Variants in RGS6 observed in about 807,000 individuals in gnomAD.
RGS6 encodes the protein regulator of G protein signaling 6, also known as regulator of G-protein signaling 6.
Under a neutral mutation model 78.5 loss-of-function variants are expected in RGS6, and 30 were observed. The ratio of observed to expected loss-of-function variants is 0.38; its 90% CI spans 0.29 to 0.52. The LOEUF (loss-of-function observed/expected upper bound fraction) is 0.52. Ranked by LOEUF, RGS6 falls within the 20% of genes least tolerant of loss-of-function variation. The pLI is 0.85. For missense variants in RGS6, 495 were observed against 609.7 expected (o/e 0.81, Z 1.98); for synonymous variants, 206 against 206.0 (o/e 1.00, Z 0.00).
At chr14:72,519,075 G>C (rs1440718125) in intron 15 of RGS6, among the ~76,000 whole-genome samples, 1 of 152,190 alleles carries the variant, frequency 6.6e-6, no homozygotes, top group Non-Finnish European at 1.5e-5. Context: ...AGGTTGAGTG[G>C]GAGACAGACA....
intron 2 of RGS6, among the ~76,000 whole-genome samples, chr14:72,294,439 T>C (rs2152349552): frequency 6.6e-6 from 1 of 152,336 alleles, no homozygotes. Flanking sequence ...TTGGATATTA[T>C]TACCAAAGCC....
At chr14:72,220,428 T>C (rs1399898163) in intron 2 of RGS6, among the ~76,000 whole-genome samples, 6 of 152,212 alleles carry the variant, frequency 3.9e-5, no homozygotes, top group Admixed American at 3.9e-4. Flanking sequence ...TAATTGGTGC[T>C]GGAAATATTT....
At chr14:72,446,700 T>G (rs1324849803) in intron 3 of RGS6, among the ~76,000 whole-genome samples, 1 of 152,212 alleles carries the variant, frequency 6.6e-6, no homozygotes, top group Non-Finnish European at 1.5e-5. Flanking sequence ...GTAGAATTAG[T>G]GGGAGCCCTG....
chr14:72,394,584 G>C (rs1443984162), intron 3 of RGS6, among the ~76,000 whole-genome samples: 1 of 152,166 alleles, frequency 6.6e-6, no homozygotes, highest in African/African-American at 2.4e-5. Flanking sequence ...ATTTGCTCTT[G>C]AAAGAAGAGA....
At chr14:72,560,535 G>A (rs2097658038) in intron 17 of RGS6, among the ~76,000 whole-genome samples, 1 of 152,060 alleles carries the variant, frequency 6.6e-6, no homozygotes, top group Non-Finnish European at 1.5e-5. Flanking sequence ...GTCACCGCTG[G>A]GTGTGTGCCA....
At chr14:72,332,946 C>T (rs1006793043) in intron 2 of RGS6, among the ~76,000 whole-genome samples, 4 of 152,292 alleles carry the variant, frequency 2.6e-5, no homozygotes, top group African/African-American at 4.8e-5. Flanking sequence ...ACGGGTGCAG[C>T]GAAACCCTCA....
chr14:72,308,571 C>G, intron 2 of RGS6, among the ~76,000 whole-genome samples: 1 of 152,192 alleles, frequency 6.6e-6, no homozygotes, highest in Non-Finnish European at 1.5e-5. Flanking sequence ...ACAGCAAATG[C>G]TCAACACAGT....
intron 2 of RGS6, among the ~76,000 whole-genome samples, chr14:72,025,335 G>A (rs979588316): frequency 1.3e-5 from 2 of 151,848 alleles, no homozygotes; most frequent in African/African-American, 4.8e-5. Context: ...TATTTGGTAG[G>A]TCACAATTAA....
At chr14:71,980,770 G>A (rs1241616768) in intron 2 of RGS6, among the ~76,000 whole-genome samples, 2 of 83,584 alleles carry the variant, frequency 2.4e-5, no homozygotes, top group African/African-American at 4.6e-5. Flanking sequence ...GAGTATCTTT[G>A]TGGCGTTCTC....
chr14:71,954,680 T>C (rs142435160), intron 1 of RGS6, among the ~76,000 whole-genome samples: 2 of 152,302 alleles, frequency 1.3e-5, no homozygotes, highest in African/African-American at 4.8e-5. Flanking sequence ...CTTACTCTTC[T>C]TGGCCATTTG....
chr14:72,091,843 G>GA (rs1324011667), intron 2 of RGS6, among the ~76,000 whole-genome samples: 13 of 152,130 alleles, frequency 8.5e-5, no homozygotes, highest in Non-Finnish European at 1.6e-4. Context: ...TGAGCCATCT[G>GA]ATATTTGAGA....
chr14:72,400,465 GT>G (rs1323622629), intron 3 of RGS6, among the ~76,000 whole-genome samples: 2 of 152,104 alleles, frequency 1.3e-5, no homozygotes, highest in Admixed American at 1.3e-4. Flanking sequence ...TTCAACCAGT[GT>G]TTATTTAGAG....
At chr14:72,098,388 G>A (rs2095455193) in intron 2 of RGS6, among the ~76,000 whole-genome samples, 1 of 152,222 alleles carries the variant, frequency 6.6e-6, no homozygotes, top group African/African-American at 2.4e-5. Flanking sequence ...TGTGGCAGGT[G>A]CCACTATTGT....
At chr14:72,152,444 A>G (rs543872915) in intron 2 of RGS6, among the ~76,000 whole-genome samples, 1 of 152,286 alleles carries the variant, frequency 6.6e-6, no homozygotes, top group East Asian at 1.9e-4. Context: ...AGCAGCTGCC[A>G]TATTTTGAGG....
intron 12 of RGS6, among the ~76,000 whole-genome samples, chr14:72,481,160 G>C (rs2096370274): frequency 6.6e-6 from 1 of 152,180 alleles, no homozygotes; most frequent in African/African-American, 2.4e-5. Context: ...CCTCTTTAGA[G>C]GGGAGATAGT....
At chr14:71,991,476 CTG>C (rs2094952094) in intron 2 of RGS6, among the ~76,000 whole-genome samples, 1 of 152,190 alleles carries the variant, frequency 6.6e-6, no homozygotes, top group African/African-American at 2.4e-5. Context: ...TATTTGCCCT[CTG>C]TGTCTCAATT....
chr14:72,386,711 A>G (rs2088192509), intron 3 of RGS6, among the ~76,000 whole-genome samples: 1 of 152,216 alleles, frequency 6.6e-6, no homozygotes, highest in Non-Finnish European at 1.5e-5. Flanking sequence ...CCACTGCACC[A>G]TCCTATTATC....
intron 2 of RGS6, among the ~76,000 whole-genome samples, chr14:72,175,485 A>G (rs989460691): frequency 6.6e-6 from 1 of 152,190 alleles, no homozygotes; most frequent in African/African-American, 2.4e-5. Context: ...AATTGAGTGC[A>G]TGTTATGTTC....
At chr14:72,475,830 G>GCGCACA (rs113920568) in intron 10 of RGS6, among the ~76,000 whole-genome samples, 44,164 of 145,514 alleles carry the variant, frequency 0.3, 6,818 homozygotes, top group East Asian at 0.57. Context: ...AAAAATACAC[G>GCGCACA]CACACACACA....
Sources: gnomAD v4.1 joint callset for allele counts (sites outside exome capture counted in the v4.1 genomes callset) on GRCh38, gnomAD v4.1.1 for gene constraint, MANE v1.5 for transcripts, NCBI Gene and HGNC (gene_info 2026-07-23, HGNC 2026-07-21) for gene names.